The following PLPPR1 variants were observed in gnomAD, a reference collection of about 807,000 sequenced individuals.
PLPPR1 encodes phospholipid phosphatase-related protein type 1.
Under a neutral mutation model 33.1 loss-of-function variants are expected in PLPPR1, and 10 were observed. The ratio of observed to expected loss-of-function variants is 0.30; its 90% CI spans 0.19 to 0.51. PLPPR1 has a LOEUF of 0.51. PLPPR1 is among the 20% of genes least tolerant of loss of function. PLPPR1 has a pLI of 0.97. For synonymous variants in PLPPR1, 151 were observed against 151.0 expected, an observed-to-expected ratio of 1.00 and a Z score of 0.00; for missense variants, 304 against 408.1, an observed-to-expected ratio of 0.74 and a Z score of 2.20.
At chr9:101,284,812 TTAA>T (rs2118914104) in intron 3 of PLPPR1, among the ~76,000 whole-genome samples, 1 of 152,324 alleles carries the variant, frequency 6.6e-6, no homozygotes, top group East Asian at 1.9e-4. Context: ...AATTAAAACA[TTAA>T]TAAATTTTCT....
At chr9:101,059,228 C>A (rs1447977219) in intron 1 of PLPPR1, among the ~76,000 whole-genome samples, 2 of 151,958 alleles carry the variant, frequency 1.3e-5, no homozygotes, top group Non-Finnish European at 2.9e-5. Context: ...ATTTGAATAT[C>A]AAAGAATTTG....
chr9:101,078,108 A>AGAAGG lies in PLPPR1; in HGVS notation c.-46+49006_-46+49007insGAAGG, dbSNP rs1564138139. The stretch of plus-strand genomic sequence containing the variant: ...GGAGGAGGAGAAGGAGAAGGAGAAG[A>AGAAGG]AGAAGAAGAAGAAGAAGAAGAAGAA... On this transcript the variant is annotated intron_variant, in intron 1 of 7. Transcript: ENST00000374874. 9.7e-3 allele frequency among the ~76,000 whole-genome samples: 257 copies of AGAAGG among 26,372 alleles called. 65 individuals are homozygous for AGAAGG. The highest frequency in any genetic ancestry group is 0.06 in the Middle Eastern group (3 of 50). The allele number at this position is 26,372 out of a possible 152,430, so 17.3% of individuals were successfully genotyped here.
At chr9:101,049,466 T>C (rs989288272) in intron 1 of PLPPR1, among the ~76,000 whole-genome samples, 1 of 152,232 alleles carries the variant, frequency 6.6e-6, no homozygotes, top group Admixed American at 6.5e-5. Context: ...GGAAAAATAA[T>C]TATAGTGGCT....
chr9:101,163,632 G>C (rs1356758817), intron 1 of PLPPR1, among the ~76,000 whole-genome samples: 1 of 152,134 alleles, frequency 6.6e-6, no homozygotes, highest in Non-Finnish European at 1.5e-5. Flanking sequence ...AGCACAGGTT[G>C]TTTAATGAAC....
At chr9:101,218,854 G>T (rs993203996) in intron 2 of PLPPR1, among the ~76,000 whole-genome samples, 2 of 152,274 alleles carry the variant, frequency 1.3e-5, no homozygotes. Context: ...AATGGGAAAA[G>T]AATTACTGGA....
intron 5 of PLPPR1, 32 bp downstream of exon 5, chr9:101,309,493 C>A (rs1828918312): frequency 6.2e-7 from 1 of 1,604,568 alleles, no homozygotes; most frequent in Admixed American, 1.7e-5. Context: ...CTCCTAAGTC[C>A]AGTTTTTGAT....
chr9:101,292,888 T>C (rs1442879305), intron 4 of PLPPR1, among the ~76,000 whole-genome samples: 2 of 151,878 alleles, frequency 1.3e-5, no homozygotes, highest in African/African-American at 2.4e-5. Flanking sequence ...AGGAAGAAAC[T>C]GCATCAACTA....
chr9:101,067,494 A>G (rs1830433331), intron 1 of PLPPR1, among the ~76,000 whole-genome samples: 1 of 152,080 alleles, frequency 6.6e-6, no homozygotes, highest in Admixed American at 6.6e-5. Context: ...ATTAATAGCT[A>G]AAGGACTTTA....
intron 1 of PLPPR1, among the ~76,000 whole-genome samples, chr9:101,029,868 T>C (rs557262632): frequency 6.6e-6 from 1 of 152,342 alleles, no homozygotes; most frequent in East Asian, 1.9e-4. Flanking sequence ...GGGCTGCTGC[T>C]GCGGCGGCGG....
chr9:101,190,834 A>G (rs2567309), intron 2 of PLPPR1, among the ~76,000 whole-genome samples: 141,557 of 152,222 alleles, frequency 0.93, 65,912 homozygotes, highest in East Asian at 0.97. Flanking sequence ...TGTAGATTAC[A>G]AGAGCACCTA....
At chr9:101,154,999 A>G (rs916025591) in intron 1 of PLPPR1, among the ~76,000 whole-genome samples, 2 of 150,920 alleles carry the variant, frequency 1.3e-5, no homozygotes, top group Non-Finnish European at 3.0e-5. Context: ...ATTAGGAGAT[A>G]TACGTAATGT....
At chr9:101,178,843 C>T (rs774536752) in intron 1 of PLPPR1, among the ~76,000 whole-genome samples, 19 of 152,268 alleles carry the variant, frequency 1.2e-4, no homozygotes, top group Non-Finnish European at 2.5e-4. Context: ...GGAAGTGGCA[C>T]CACTCACCAT....
intron 2 of PLPPR1, among the ~76,000 whole-genome samples, chr9:101,250,039 T>C (rs1240303492): frequency 6.6e-6 from 1 of 152,098 alleles, no homozygotes; most frequent in Non-Finnish European, 1.5e-5. Flanking sequence ...TGCCACAATT[T>C]AGGAAACACT....
intron 4 of PLPPR1, among the ~76,000 whole-genome samples, chr9:101,301,065 T>C (rs1212331781): frequency 6.6e-6 from 1 of 152,242 alleles, no homozygotes; most frequent in Admixed American, 6.5e-5. Flanking sequence ...ATTTGTTTGT[T>C]CTTTTGTTTA....
chr9:101,159,627 A>G (rs1401539042), intron 1 of PLPPR1, among the ~76,000 whole-genome samples: 4 of 152,212 alleles, frequency 2.6e-5, no homozygotes, highest in Non-Finnish European at 4.4e-5. Flanking sequence ...AAGAGTTTGT[A>G]GAACAAAAGA....
At chr9:101,037,315 C>G (rs1406989815) in intron 1 of PLPPR1, among the ~76,000 whole-genome samples, 1 of 152,004 alleles carries the variant, frequency 6.6e-6, no homozygotes, top group Non-Finnish European at 1.5e-5. Flanking sequence ...GGCTTTTTCT[C>G]TGGGTATTAT....
chr9:101,121,096 T>A (rs746691522), intron 1 of PLPPR1, among the ~76,000 whole-genome samples: 3 of 152,224 alleles, frequency 2.0e-5, no homozygotes, highest in Non-Finnish European at 4.4e-5. Flanking sequence ...AAGTCTTCTG[T>A]AGCACTTGGG....
At chr9:101,159,748 G>T (rs759269458) in intron 1 of PLPPR1, among the ~76,000 whole-genome samples, 1 of 152,166 alleles carries the variant, frequency 6.6e-6, no homozygotes, top group Non-Finnish European at 1.5e-5. Flanking sequence ...ACAAATGAGC[G>T]CAAAGGGATA....
intron 6 of PLPPR1, among the ~76,000 whole-genome samples, chr9:101,314,764 A>G (rs1829022056): frequency 6.7e-6 from 1 of 150,344 alleles, no homozygotes; most frequent in Admixed American, 6.6e-5. Context: ...AAAAAAAAAA[A>G]TATCTGCAAC....
Sources: gnomAD v4.1 joint callset for allele counts (sites outside exome capture counted in the v4.1 genomes callset) on GRCh38, gnomAD v4.1.1 for gene constraint, MANE v1.5 for transcripts, NCBI Gene and HGNC (gene_info 2026-07-23, HGNC 2026-07-21) for gene names.